Variants in EFHC2 observed in about 807,000 individuals in gnomAD.
EFHC2 encodes EF-hand domain-containing family member C2.
A neutral mutation model predicts 52.7 loss-of-function variants in EFHC2; 18 were observed. The ratio of observed to expected loss-of-function variants is 0.34; its 90% confidence interval spans 0.24 to 0.51. The LOEUF (loss-of-function observed/expected upper bound fraction) is 0.51, where lower values mean the gene tolerates loss of function less well. Ranked by LOEUF, EFHC2 falls within the 20% of genes least tolerant of loss-of-function variation. The pLI, the probability that EFHC2 is intolerant of heterozygous loss-of-function variation, is 0.97. For synonymous variants in EFHC2, 203 were observed against 204.1 expected, an observed-to-expected ratio of 0.99 and a Z score of 0.04; for missense variants, 513 against 562.5, an observed-to-expected ratio of 0.91 and a Z score of 0.89.
At chrX:44,319,736 C>T (rs903914831) in intron 1 of EFHC2, among the ~76,000 whole-genome samples, 2 of 111,221 alleles carry the variant, frequency 1.8e-5, no homozygotes, top group Non-Finnish European at 3.8e-5. Context: ...ATAAAGTTTC[C>T]CTTTTAAATA....
intron 3 of EFHC2, among the ~76,000 whole-genome samples, chrX:44,268,068 C>T (rs186657025): frequency 1.2e-3 from 130 of 111,937 alleles, no homozygotes; most frequent in African/African-American, 3.5e-3. Flanking sequence ...CATTACGCAG[C>T]GTGATTACTG....
At chrX:44,178,653 T>C (rs1243886637) in intron 11 of EFHC2, 89 bp from the exon 12 acceptor site, 1 of 821,371 alleles carries the variant, frequency 1.2e-6, no homozygotes, top group Non-Finnish European at 1.7e-6. Flanking sequence ...CCAAATTCCA[T>C]TTTACAAAAC....
intron 1 of EFHC2, among the ~76,000 whole-genome samples, chrX:44,316,440 T>G (rs1467238615): frequency 1.8e-5 from 2 of 112,241 alleles, no homozygotes; most frequent in South Asian, 7.4e-4. Flanking sequence ...GGCTCTGGAT[T>G]TGGCAATGGG....
chrX:44,316,422 G>T (rs779759984), intron 1 of EFHC2, among the ~76,000 whole-genome samples: 1 of 112,404 alleles, frequency 8.9e-6, no homozygotes, highest in East Asian at 2.8e-4. Flanking sequence ...ATAGAAGCCA[G>T]TCACTATGGC....
intron 2 of EFHC2, among the ~76,000 whole-genome samples, chrX:44,301,005 G>C (rs759211831): frequency 9.2e-6 from 1 of 108,137 alleles, no homozygotes; most frequent in East Asian, 2.9e-4. Flanking sequence ...AGCTACTTGG[G>C]AGGCTGAGGC....
At chrX:44,261,468 TGA>T (rs754641141) in intron 3 of EFHC2, among the ~76,000 whole-genome samples, 170 bp from the exon 4 acceptor site, 71 of 111,512 alleles carry the variant, frequency 6.4e-4, no homozygotes, top group African/African-American at 2.2e-3. Flanking sequence ...CAGAATGAGC[TGA>T]GATTTCTGAG....
intron 14 of EFHC2, among the ~76,000 whole-genome samples, chrX:44,157,666 T>A: frequency 9.1e-6 from 1 of 110,425 alleles, no homozygotes; most frequent in Non-Finnish European, 1.9e-5. Flanking sequence ...GCTCCTCTGC[T>A]GGGCTCCAAT....
chrX:44,283,873 A>C (rs2037731950), intron 2 of EFHC2: 1 of 107,894 alleles, frequency 9.3e-6, no homozygotes, highest in African/African-American at 3.4e-5. Flanking sequence ...GACAGTTGAA[A>C]AAAGGAGGCG....
intron 11 of EFHC2, among the ~76,000 whole-genome samples, chrX:44,221,767 CCATT>C (rs2037195610): frequency 9.0e-6 from 1 of 111,636 alleles, no homozygotes; most frequent in Non-Finnish European, 1.9e-5. Flanking sequence ...TATTGTCTTC[CCATT>C]CAGAGATATC....
intron 8 of EFHC2, among the ~76,000 whole-genome samples, chrX:44,236,736 T>C (rs992162367): frequency 9.0e-6 from 1 of 111,348 alleles, no homozygotes; most frequent in Non-Finnish European, 1.9e-5. Flanking sequence ...GTTTTCTCTG[T>C]ACCCAGTTTC....
At chrX:44,267,798 G>A (rs759340832) in intron 3 of EFHC2, among the ~76,000 whole-genome samples, 61 of 111,963 alleles carry the variant, frequency 5.4e-4, no homozygotes, top group African/African-American at 8.8e-4. Context: ...TCCCACTGAC[G>A]TCTGAACCAC....
At chrX:44,257,765 C>A (rs1357372440) in intron 4 of EFHC2, among the ~76,000 whole-genome samples, 1 of 111,608 alleles carries the variant, frequency 9.0e-6, no homozygotes, top group Non-Finnish European at 1.9e-5. Flanking sequence ...ACTTTCTTCA[C>A]AGAATTAGAA....
At chrX:44,280,191 C>G (rs142622263) in intron 2 of EFHC2, among the ~76,000 whole-genome samples, 1 of 110,497 alleles carries the variant, frequency 9.1e-6, no homozygotes, top group African/African-American at 3.3e-5. Flanking sequence ...TTATGATTTA[C>G]AGAAGATCCT....
At chrX:44,286,537 G>C (rs1201395977) in intron 2 of EFHC2, among the ~76,000 whole-genome samples, 1 of 111,244 alleles carries the variant, frequency 9.0e-6, no homozygotes, top group Non-Finnish European at 1.9e-5. Context: ...AGCCAGTAAA[G>C]AAGACAGCTT....
At chrX:44,253,348 C>T (rs2037467586) in intron 4 of EFHC2, among the ~76,000 whole-genome samples, 1 of 110,264 alleles carries the variant, frequency 9.1e-6, no homozygotes, top group African/African-American at 3.3e-5. Context: ...CTCAGTGGAT[C>T]CCCCCAGCAA....
intron 2 of EFHC2, among the ~76,000 whole-genome samples, chrX:44,305,817 T>C (rs1319774916): frequency 8.9e-6 from 1 of 112,452 alleles, no homozygotes; most frequent in Non-Finnish European, 1.9e-5. Context: ...GCTCACAAGA[T>C]AGCTGCTGTG....
intron 13 of EFHC2, among the ~76,000 whole-genome samples, chrX:44,172,474 C>T (rs956582590): frequency 5.3e-5 from 6 of 112,558 alleles, no homozygotes; most frequent in Admixed American, 9.3e-5. Context: ...TAGAGTTGAC[C>T]TGCAGAGGCA....
Position 44,216,858 on chromosome X carries a change from A to G in EFHC2, c.1751+12791T>C, listed in dbSNP as rs771513482. On this transcript the variant is annotated intron_variant, in intron 11 of 14. Transcript: ENST00000420999. ...ACAAGCACAGGCAACTACAGCAAAA[A>G]TGGGCAAATGGGATCACATCAAGTT... Among the ~76,000 whole-genome samples the G allele has an allele frequency of 2.7e-5, 3 of 111,606 alleles. 1 individual carries two copies. The South Asian group carries it at 1.1e-3, about 42-fold the overall frequency.
intron 11 of EFHC2, among the ~76,000 whole-genome samples, chrX:44,193,496 C>T (rs2036939040): frequency 8.9e-6 from 1 of 112,059 alleles, no homozygotes; most frequent in Non-Finnish European, 1.9e-5. Context: ...TAGTTTCCTA[C>T]AACAAACAAA....
Sources: gnomAD v4.1 joint callset for allele counts (sites outside exome capture counted in the v4.1 genomes callset) on GRCh38, gnomAD v4.1.1 for gene constraint, MANE v1.5 for transcripts, NCBI Gene and HGNC (gene_info 2026-07-23, HGNC 2026-07-21) for gene names.